The following SLC39A9 variants were observed in gnomAD, a reference collection of about 807,000 sequenced individuals.
SLC39A9 encodes zinc transporter ZIP9.
Under a neutral mutation model 28.4 loss-of-function variants are expected in SLC39A9, and 14 were observed. The observed-to-expected ratio is 0.49, with a 90% confidence interval of 0.33 to 0.77. SLC39A9 has a LOEUF of 0.77. Ranked by LOEUF, SLC39A9 falls within the 30% of genes least tolerant of loss-of-function variation. The probability of loss-of-function intolerance (pLI) is 0.02; values close to 1 mark genes in which losing one functional copy is unlikely to be tolerated. For synonymous variants in SLC39A9, 119 were observed against 149.6 expected (o/e 0.80, Z 1.49); for missense variants, 283 against 381.1 (o/e 0.74, Z 2.14).
intron 1 of SLC39A9, among the ~76,000 whole-genome samples, chr14:69,413,532 AT>A (rs1351164392): frequency 6.6e-6 from 1 of 152,198 alleles, no homozygotes; most frequent in African/African-American, 2.4e-5. Context: ...ATAGATCTTT[AT>A]ATTGAAGAAA....
intron 2 of SLC39A9, among the ~76,000 whole-genome samples, chr14:69,432,083 C>T (rs1210079301): frequency 6.6e-6 from 1 of 152,102 alleles, no homozygotes; most frequent in African/African-American, 2.4e-5. Context: ...TATGCAGTAA[C>T]GGGATTGCAG....
chr14:69,400,420 T>C (rs1882568546), intron 1 of SLC39A9, among the ~76,000 whole-genome samples: 1 of 152,210 alleles, frequency 6.6e-6, no homozygotes, highest in Non-Finnish European at 1.5e-5. Context: ...GTGAACATGC[T>C]GATAGGTCCT....
intron 1 of SLC39A9, among the ~76,000 whole-genome samples, chr14:69,410,461 A>G (rs1883204782): frequency 6.6e-6 from 1 of 152,230 alleles, no homozygotes; most frequent in Non-Finnish European, 1.5e-5. Context: ...TAATACTAGT[A>G]GCAGTAGCCC....
At chr14:69,445,152 A>G (rs1885231886) in intron 3 of SLC39A9, among the ~76,000 whole-genome samples, 1 of 152,198 alleles carries the variant, frequency 6.6e-6, no homozygotes, top group South Asian at 2.1e-4. Context: ...CCTTTGAACA[A>G]TATGAGTTTG....
chr14:69,458,836 A>G lies in SLC39A9; in HGVS notation c.*243A>G, dbSNP rs1885989029. ...TGTTATCTTTTAAAAGGCCCTTGAC[A>G]TTTTGCGTTTTAATATTTCTCTTAA... On this transcript the variant is annotated 3_prime_UTR_variant, in exon 7 of 7. Coordinates refer to ENST00000336643, the MANE Select transcript of SLC39A9 (RefSeq NM_018375.5). 2.4e-6 allele frequency: 3 copies of G among 1,248,122 alleles called. No homozygotes were observed. Among genetic ancestry groups the G allele is most frequent in the Non-Finnish European group, 2.0e-6 (2 of 994,492 alleles). The allele number at this position is 1,248,122 out of a possible 1,614,324, so 77.3% of individuals were successfully genotyped here.
At chr14:69,425,672 T>TA (rs1211577517) in intron 2 of SLC39A9, among the ~76,000 whole-genome samples, 11 of 152,006 alleles carry the variant, frequency 7.2e-5, no homozygotes, top group Middle Eastern at 6.8e-3. Flanking sequence ...TTTTTTTTTT[T>TA]ATTTGTTTGT....
In SLC39A9 at chr14:69,425,761, A is replaced by G. The variant is rs550918499; in HGVS notation, c.205+1559A>G. On this transcript the variant is annotated intron_variant, in intron 2 of 6. Transcript: ENST00000336643. ...CAGCTGAAATCTCTTGGGTTTAAGC[A>G]ATCCTCCCACCTCAGCCTCCTGAGT... Among the ~76,000 whole-genome samples, 34 of 152,128 alleles carry G rather than the reference A, an allele frequency of 2.2e-4. No homozygotes were observed. The South Asian group carries it at 7.1e-3, about 32-fold the overall frequency.
intron 3 of SLC39A9, among the ~76,000 whole-genome samples, chr14:69,443,674 A>G (rs1885152215): frequency 1.3e-5 from 2 of 152,120 alleles, no homozygotes; most frequent in African/African-American, 4.8e-5. Flanking sequence ...GTTTGAGACC[A>G]GCCTGGGCAA....
intron 4 of SLC39A9, among the ~76,000 whole-genome samples, chr14:69,454,044 G>A (rs35203721): frequency 0.037 from 5,634 of 152,304 alleles, 154 homozygotes; most frequent in Non-Finnish European, 0.059. Flanking sequence ...GTATGCAGTG[G>A]AATGCAGAGA....
intron 2 of SLC39A9, among the ~76,000 whole-genome samples, chr14:69,424,579 C>T (rs1368591242): frequency 1.3e-5 from 2 of 151,792 alleles, no homozygotes; most frequent in Non-Finnish European, 2.9e-5. Context: ...TTACAGTAAA[C>T]TTTATAGATA....
chr14:69,439,889 A>C (rs1884958027), intron 2 of SLC39A9, among the ~76,000 whole-genome samples: 1 of 152,184 alleles, frequency 6.6e-6, no homozygotes, highest in Non-Finnish European at 1.5e-5. Flanking sequence ...ACTGTAAGCC[A>C]AATAAACCTT....
Position 69,399,177 on chromosome 14 carries a change from C to T in SLC39A9, c.-193C>T, listed in dbSNP as rs1455677031. The T allele has an allele frequency of 1.0e-5, 6 of 584,754 alleles. No individual in the cohort carries two copies. The highest frequency in any genetic ancestry group is 1.8e-5 in the Non-Finnish European group (6 of 333,592). 36.2% of individuals were successfully genotyped at this position (584,754 alleles called of 1,614,324 possible). ...TGTAAGCTTTCTCTGGTGCTAATAT[C>T]AGCAAAAAGGGTCTGTTGCCGGGTA... On this transcript the variant is annotated 5_prime_UTR_variant, in exon 1 of 7. Transcript: ENST00000336643.
intron 1 of SLC39A9, among the ~76,000 whole-genome samples, chr14:69,412,185 C>G (rs1440317862): frequency 1.3e-5 from 2 of 151,414 alleles, no homozygotes; most frequent in Admixed American, 6.6e-5. Flanking sequence ...GTCAGGAGAT[C>G]GAGACCATCC....
chr14:69,442,146 C>G lies in SLC39A9; in HGVS notation c.283C>G (p.His95Asp), dbSNP rs1185311259. ...AGCAGAAAAATCAGTTGTCCATGAA[C>G]ATGAGCACAGCCACGACCACACACA... The part of the protein sequence containing the change: ...KAAEKSVVHE[H>D]EHSHDHTQLH... Residue 95 changes from histidine to aspartate, a missense_variant, in exon 3 of 7, where the codon CAT (histidine) becomes GAT (aspartate). By Grantham distance (81) the His-to-Asp change is moderately conservative (BLOSUM62 -1). Coordinates refer to ENST00000336643, the MANE Select transcript of SLC39A9 (RefSeq NM_018375.5). 5.0e-6 allele frequency: 8 copies of G among 1,614,212 alleles called. No individual in the cohort carries two copies.
At chr14:69,457,443 C>T (rs140440324) in intron 6 of SLC39A9, among the ~76,000 whole-genome samples, 23 of 152,148 alleles carry the variant, frequency 1.5e-4, no homozygotes, top group Admixed American at 1.2e-3. Flanking sequence ...CCTCGTGATC[C>T]GCCCACCTTG....
rs1222455804 is a variant in SLC39A9 at position 69,398,844 on chromosome 14, G to A, written c.-526G>A. 2 of 194,588 alleles carry A rather than the reference G, an allele frequency of 1.0e-5. No individual in the cohort carries two copies. The highest frequency in any genetic ancestry group is 4.8e-5 in the African/African-American group (2 of 41,668). The allele number at this position is 194,588 out of a possible 1,614,324, so 12.1% of individuals were successfully genotyped here. On this transcript the variant is annotated 5_prime_UTR_variant, in exon 1 of 7. Coordinates refer to ENST00000336643, the MANE Select transcript of SLC39A9 (RefSeq NM_018375.5). ...TGAACCCCTAGGACCCATCGTTAGA[G>A]ACCTGCAGGACTCCTTTCCTCATCC... is the stretch of plus-strand genomic sequence containing the variant.
intron 2 of SLC39A9, among the ~76,000 whole-genome samples, chr14:69,426,888 G>A (rs926910559): frequency 5.3e-5 from 8 of 151,636 alleles, no homozygotes; most frequent in Non-Finnish European, 1.0e-4. Context: ...TATATACTAT[G>A]TATATATGTG....
intron 3 of SLC39A9, among the ~76,000 whole-genome samples, chr14:69,443,840 G>A (rs1885162528): frequency 6.6e-6 from 1 of 152,084 alleles, no homozygotes; most frequent in African/African-American, 2.4e-5. Flanking sequence ...CTGCACTCCA[G>A]CCTGGGTGAC....
chr14:69,406,204 C>T (rs1234611584), intron 1 of SLC39A9, among the ~76,000 whole-genome samples: 1 of 152,180 alleles, frequency 6.6e-6, no homozygotes, highest in African/African-American at 2.4e-5. Context: ...GAACTTGAAA[C>T]TCCAGAGGTA....
Sources: gnomAD v4.1 joint callset for allele counts (sites outside exome capture counted in the v4.1 genomes callset) on GRCh38, gnomAD v4.1.1 for gene constraint, MANE v1.5 for transcripts, NCBI Gene and HGNC (gene_info 2026-07-23, HGNC 2026-07-21) for gene names.